Variants in SAMMSON observed in about 807,000 individuals in gnomAD.
SAMMSON encodes survival associated mitochondrial melanoma specific oncogenic non-coding RNA.
rs564707312 is a variant in SAMMSON, at chr3:70,008,315, C to A, written n.23-4042C>A. 1.6e-4 allele frequency among the ~76,000 whole-genome samples: 25 copies of A among 152,208 alleles called. 1 individual carries two copies. The highest frequency in any genetic ancestry group is 1.2e-3 in the South Asian group (6 of 4,818). The stretch of plus-strand genomic sequence containing the variant: ...CGTCCATTTGTTTGTATCCTCTTTT[C>A]TTTCATTGAGCGGTGGTTTGTAGTT... On this transcript the variant is annotated intron_variant and non_coding_transcript_variant, in intron 1 of 9. Transcript: ENST00000642114.
At chr3:70,183,318 G>A (rs1701068653) in intron 4 of SAMMSON, 1 of 152,148 alleles carries the variant, frequency 6.6e-6, no homozygotes, top group Non-Finnish European at 1.5e-5. Context: ...AGTTCCCAGA[G>A]TAAATATAAC....
At chr3:70,091,290 G>A (rs577572600) in intron 4 of SAMMSON, among the ~76,000 whole-genome samples, 26 of 152,240 alleles carry the variant, frequency 1.7e-4, no homozygotes, top group Admixed American at 2.6e-4. Context: ...GGCATGGGTC[G>A]CAGCCGCCTT....
At chr3:70,126,413 G>T in intron 4 of SAMMSON, 6 of 777,218 alleles carry the variant, frequency 7.7e-6, no homozygotes, top group Non-Finnish European at 1.1e-5. Flanking sequence ...GGCAAAAGCT[G>T]TATGTTTCAG....
intron 1 of SAMMSON, among the ~76,000 whole-genome samples, chr3:70,010,063 G>A (rs1030670830): frequency 9.2e-5 from 14 of 151,918 alleles, no homozygotes; most frequent in Non-Finnish European, 1.9e-4. Flanking sequence ...TTCCAACTAC[G>A]TGGTCAATTT....
intron 4 of SAMMSON, chr3:70,184,043 T>C (rs1266956877): frequency 1.3e-5 from 2 of 152,226 alleles, no homozygotes; most frequent in Non-Finnish European, 2.9e-5. Context: ...AAATTCCTAT[T>C]TGAAGCAGTG....
chr3:70,344,434 C>G (rs180931526), intron 7 of SAMMSON, among the ~76,000 whole-genome samples: 2 of 152,242 alleles, frequency 1.3e-5, no homozygotes, highest in Admixed American at 1.3e-4. Context: ...CCTTCCAGTT[C>G]CCCATCCATC....
intron 4 of SAMMSON, among the ~76,000 whole-genome samples, chr3:70,128,701 C>T (rs1308602692): frequency 6.6e-6 from 1 of 151,840 alleles, no homozygotes; most frequent in African/African-American, 2.4e-5. Flanking sequence ...GGGAACCAAT[C>T]CTTGGCTATG....
At chr3:70,239,444 C>A (rs1240948352) in intron 4 of SAMMSON, among the ~76,000 whole-genome samples, 1 of 152,136 alleles carries the variant, frequency 6.6e-6, no homozygotes, top group Non-Finnish European at 1.5e-5. Flanking sequence ...CCAAAGAGAA[C>A]ATTTCCAACT....
chr3:70,169,567 AG>A (rs2067653199), intron 4 of SAMMSON, among the ~76,000 whole-genome samples: 1 of 151,920 alleles, frequency 6.6e-6, no homozygotes, highest in Non-Finnish European at 1.5e-5. Context: ...TTCATGGCGA[AG>A]GTTCCTTGCT....
intron 2 of SAMMSON, among the ~76,000 whole-genome samples, chr3:70,402,445 T>C (rs924840405): frequency 2.0e-5 from 3 of 152,208 alleles, no homozygotes; most frequent in African/African-American, 7.2e-5. Context: ...GGATGCTACA[T>C]TGTTTCATGA....
chr3:70,232,920 G>T (rs1234410443), intron 4 of SAMMSON, among the ~76,000 whole-genome samples: 1 of 152,062 alleles, frequency 6.6e-6, no homozygotes, highest in Non-Finnish European at 1.5e-5. Flanking sequence ...TAGGCGTGGG[G>T]GTTCACACCG....
intron 3 of SAMMSON, among the ~76,000 whole-genome samples, chr3:70,050,572 AT>A (rs2107589105): frequency 6.6e-6 from 1 of 152,270 alleles, no homozygotes; most frequent in African/African-American, 2.4e-5. Flanking sequence ...GACTTGACAC[AT>A]AGGCAATTAG....
intron 4 of SAMMSON, among the ~76,000 whole-genome samples, chr3:70,144,377 A>G (rs925550231): frequency 1.3e-5 from 2 of 152,050 alleles, no homozygotes; most frequent in Admixed American, 1.3e-4. Flanking sequence ...GCTGGTGTGT[A>G]TATACAAGGT....
chr3:70,336,524 T>A (rs144164667), intron 7 of SAMMSON, among the ~76,000 whole-genome samples: 1 of 152,006 alleles, frequency 6.6e-6, no homozygotes, highest in East Asian at 1.9e-4. Flanking sequence ...TGGGAGAAAT[T>A]TGTGGGAGTC....
At chr3:70,369,184 T>C (rs1157146204) in intron 9 of SAMMSON, among the ~76,000 whole-genome samples, 1 of 151,704 alleles carries the variant, frequency 6.6e-6, no homozygotes, top group Non-Finnish European at 1.5e-5. Flanking sequence ...ATTGCTTTTA[T>C]ATAGGAAAGC....
At chr3:70,210,466 G>A (rs1701332401) in intron 4 of SAMMSON, among the ~76,000 whole-genome samples, 1 of 152,086 alleles carries the variant, frequency 6.6e-6, no homozygotes, top group Admixed American at 6.6e-5. Flanking sequence ...ATTTTTGGGT[G>A]AATGTTACTG....
intron 4 of SAMMSON, among the ~76,000 whole-genome samples, chr3:70,227,350 A>C (rs1701517323): frequency 6.6e-6 from 1 of 152,186 alleles, no homozygotes; most frequent in South Asian, 2.1e-4. Context: ...TGTTTTTTCC[A>C]TACCACTTCT....
intron 4 of SAMMSON, among the ~76,000 whole-genome samples, chr3:70,133,739 G>C (rs2067493368): frequency 6.6e-6 from 1 of 152,142 alleles, no homozygotes; most frequent in African/African-American, 2.4e-5. Flanking sequence ...GTTGGTGTCT[G>C]TCAAAGAATT....
At position 70,078,687 on chromosome 3, in the gene SAMMSON, C is replaced by A. The variant is rs540936213; in HGVS notation, n.507+7122C>A. ...TAAGCAACTGAACCCTGATCAATAC[C>A]CCTGCAAATCTGGTTCAGATGACTC... On this transcript the variant is annotated intron_variant and non_coding_transcript_variant, in intron 4 of 9. Transcript: ENST00000642114. Among the ~76,000 whole-genome samples the A allele has an allele frequency of 9.3e-4, 141 of 152,218 alleles. 5 individuals are homozygous for A. In the South Asian group the frequency reaches 0.029, roughly 31 times the overall value.
Sources: allele counts gnomAD v4.1 joint callset (sites outside exome capture counted in the v4.1 genomes callset), GRCh38; gene constraint gnomAD v4.1.1; transcripts MANE v1.5; gene names NCBI Gene and HGNC (gene_info 2026-07-23, HGNC 2026-07-21).